Variants in SAMM50 observed in about 807,000 individuals in gnomAD.
SAMM50 encodes the protein sorting and assembly machinery component 50 homolog.
SAMM50 carries 47 observed loss-of-function variants against 66.9 expected under a neutral mutation model. That is an observed-to-expected ratio of 0.70 (90% CI 0.56 to 0.90). The LOEUF is 0.90. Ranked by LOEUF, SAMM50 falls within the 40% of genes least tolerant of loss-of-function variation. The probability of loss-of-function intolerance (pLI) is 0.00; values close to 1 mark genes in which losing one functional copy is unlikely to be tolerated. For synonymous variants in SAMM50, 191 were observed against 214.1 expected (o/e 0.89, Z 0.94); for missense variants, 535 against 595.3 (o/e 0.90, Z 1.05).
In SAMM50 at chr22:43,996,369, A is replaced by C. The variant is rs756726611; in HGVS notation, c.1396A>C (p.Ile466Leu). ...ICDGVQFGAGIRFL is the reference protein window; with the variant it reads ...ICDGVQFGAGLRFL ...TGATGGCGTCCAGTTTGGAGCTGGG[A>C]TAAGGTTCCTGTAGCCGACACCCCT... The change falls in exon 15 of 15, where the codon ATA becomes CTA. Residue 466 changes from isoleucine to leucine, a missense_variant. Coordinates refer to ENST00000350028, the MANE Select transcript of SAMM50 (RefSeq NM_015380.5). 1.2e-6 allele frequency: 2 copies of C among 1,614,034 alleles called. No homozygotes were observed. Among genetic ancestry groups the C allele is most frequent in the East Asian group, 4.5e-5 (2 of 44,860 alleles).
intron 11 of SAMM50, 124 bp downstream of exon 11, chr22:43,981,585 G>A: frequency 1.6e-6 from 1 of 643,478 alleles, no homozygotes; most frequent in Non-Finnish European, 2.7e-6. Flanking sequence ...TATTCCTTTA[G>A]TATTTATGTT....
chr22:43,994,669 C>T (rs1482015385), intron 14 of SAMM50, among the ~76,000 whole-genome samples: 2 of 152,072 alleles, frequency 1.3e-5, no homozygotes, highest in East Asian at 3.9e-4. Context: ...AAGACAGCGG[C>T]CGTGAGGGAG....
At chr22:43,982,334 G>T (rs866649100) in intron 11 of SAMM50, among the ~76,000 whole-genome samples, 1 of 152,234 alleles carries the variant, frequency 6.6e-6, no homozygotes. Flanking sequence ...ACTGCCTTAT[G>T]TAAGTTCCGC....
In SAMM50 at chr22:43,972,347, G is replaced by C; in HGVS notation, c.429+5G>C. ...GGAAACAATGAAGGCAGTATGGTAT[G>C]CTACAGGCTTTTTACTTTCTTATAT... On this transcript the variant is annotated splice_donor_5th_base_variant and intron_variant, in intron 5 of 14. Coordinates refer to ENST00000350028, the MANE Select transcript of SAMM50 (RefSeq NM_015380.5). 1 of 1,510,626 alleles carries C rather than the reference G, an allele frequency of 6.6e-7. No homozygotes were observed. Among genetic ancestry groups the C allele is most frequent in the South Asian group, 1.2e-5 (1 of 80,312 alleles). 93.6% of individuals were successfully genotyped at this position (1,510,626 alleles called of 1,614,324 possible).
Position 43,973,255 on chromosome 22 carries a change from A to G in SAMM50, c.580A>G (p.Lys194Glu). The G allele has an allele frequency of 1.9e-6, 3 of 1,602,832 alleles. No individual in the cohort carries two copies. Among genetic ancestry groups the G allele is most frequent in the South Asian group, 2.2e-5 (2 of 90,746 alleles). Residue 194 changes from lysine (K) to glutamate (E), a missense_variant, in exon 7 of 15, where the codon AAA (lysine) becomes GAA (glutamate). By Grantham distance (56) the Lys-to-Glu change is moderately conservative. Coordinates refer to ENST00000350028, the MANE Select transcript of SAMM50 (RefSeq NM_015380.5). ...TCCTAGTTTCTCTGTAAACTTATAT[A>G]AAGTTACTGGACAGTTCCCTTGGAG... is the stretch of plus-strand genomic sequence containing the variant. ...FERNFSVNLY[K>E]VTGQFPWSSL... is the part of the protein sequence containing the mutation.
chr22:43,966,524 AT>A (rs1214888010), intron 3 of SAMM50, among the ~76,000 whole-genome samples: 3 of 151,962 alleles, frequency 2.0e-5, no homozygotes, highest in African/African-American at 7.3e-5. Flanking sequence ...CACCCAGCTA[AT>A]TTTTTGTATT....
At chr22:43,981,367 A>C in intron 10 of SAMM50, 24 bp from the exon 11 acceptor site, 1 of 1,597,784 alleles carries the variant, frequency 6.3e-7, no homozygotes. Context: ...GGGAGAAAAC[A>C]ACCATTTGTT....
At chr22:43,978,706 A>G (rs939410922) in intron 10 of SAMM50, among the ~76,000 whole-genome samples, 13 of 151,572 alleles carry the variant, frequency 8.6e-5, no homozygotes, top group Admixed American at 1.3e-4. Context: ...GTGAGGAGAA[A>G]GTGACTGGAT....
intron 11 of SAMM50, among the ~76,000 whole-genome samples, chr22:43,982,342 C>T (rs184009558): frequency 9.2e-5 from 14 of 152,284 alleles, no homozygotes; most frequent in Admixed American, 3.3e-4. Flanking sequence ...ATGTAAGTTC[C>T]GCAGTAGGGA....
chr22:43,968,632 C>A, intron 3 of SAMM50, 99 bp from the exon 4 acceptor site: 1 of 817,610 alleles, frequency 1.2e-6, no homozygotes, highest in South Asian at 1.4e-5. Context: ...TCTGACTTAG[C>A]ACCGAATGGT....
chr22:43,980,106 A>AT (rs2050255333), intron 10 of SAMM50, among the ~76,000 whole-genome samples: 1 of 146,424 alleles, frequency 6.8e-6, no homozygotes, highest in African/African-American at 2.6e-5. Flanking sequence ...CCACCCATCC[A>AT]CCCATCCACC....
At position 43,978,064 on chromosome 22, in the gene SAMM50, G is replaced by A; in HGVS notation, c.936+106G>A. On this transcript the variant is annotated intron_variant, in intron 10 of 14. Coordinates refer to ENST00000350028, the MANE Select transcript of SAMM50 (RefSeq NM_015380.5). ...ATCTAAAGCACAGAGTGGAAGCCTG[G>A]GCGGTAATGCTTAACCTTTGATGTT... The A allele has an allele frequency of 8.2e-6, 6 of 730,832 alleles. No homozygotes were observed. The South Asian group carries it at 1.0e-4, about 13-fold the overall frequency. 45.3% of individuals were successfully genotyped at this position (730,832 alleles called of 1,614,324 possible).
At position 43,977,938 on chromosome 22, in the gene SAMM50, A is replaced by G; in HGVS notation, c.916A>G (p.Lys306Glu). 1.9e-6 allele frequency: 3 copies of G among 1,612,642 alleles called. No homozygotes were observed. In the East Asian group the frequency reaches 6.7e-5, roughly 36 times the overall value. ...AGAAGATTTTGAACTTCAGTTGAAC[A>G]AGCAACTCATATTTGATTCAGTGAG... ...IKEDFELQLNKQLIFDSVFSA... is the reference protein window; with the variant it reads ...IKEDFELQLNEQLIFDSVFSA... The change falls in exon 10 of 15, where the codon AAG (lysine) becomes GAG (glutamate). Residue 306 changes from lysine to glutamate, a missense_variant. Physicochemically the swap from Lys to Glu is moderately conservative, Grantham distance 56. Coordinates refer to ENST00000350028, the MANE Select transcript of SAMM50 (RefSeq NM_015380.5).
At chr22:43,987,090 C>T (rs2056142453) in intron 12 of SAMM50, 4 of 152,142 alleles carry the variant, frequency 2.6e-5, no homozygotes, top group Admixed American at 2.0e-4. Flanking sequence ...CCTTTACCTA[C>T]CTGAGAAGTA....
At chr22:43,973,147 A>C (rs1603419137) in intron 6 of SAMM50, 89 bp from the exon 7 acceptor site, 2 of 1,320,182 alleles carry the variant, frequency 1.5e-6, no homozygotes, top group Non-Finnish European at 2.2e-6. Context: ...GATGAGCCCT[A>C]CGGGCGTAGT....
In SAMM50 at chr22:43,989,092, G is replaced by A; in HGVS notation, c.1076-19G>A. ...CCTTGTCGGACCTTGTTTTTGTTCT[G>A]CACCCCTCCTTTGCTTAGGAGACTA... On this transcript the variant is annotated intron_variant, in intron 12 of 14. Coordinates refer to ENST00000350028, the MANE Select transcript of SAMM50 (RefSeq NM_015380.5). The A allele has an allele frequency of 1.2e-6, 2 of 1,604,152 alleles. No homozygotes were observed. Among genetic ancestry groups the A allele is most frequent in the Non-Finnish European group, 1.7e-6 (2 of 1,176,396 alleles).
At chr22:43,996,310 C>G (rs761938697) in intron 14 of SAMM50, 28 bp from the exon 15 acceptor site, 6 of 1,613,688 alleles carry the variant, frequency 3.7e-6, no homozygotes, top group Admixed American at 1.7e-5. Context: ...GGAGCGGCCG[C>G]CGCATCTGAT....
chr22:43,971,120 A>G (rs2050201454), intron 4 of SAMM50, among the ~76,000 whole-genome samples: 1 of 152,154 alleles, frequency 6.6e-6, no homozygotes. Flanking sequence ...GTGAGCTGAG[A>G]TCATCCGACT....
chr22:43,974,272 GA>G (rs1313318304), intron 7 of SAMM50, among the ~76,000 whole-genome samples: 1 of 152,114 alleles, frequency 6.6e-6, no homozygotes, highest in Non-Finnish European at 1.5e-5. Flanking sequence ...CTCCCTCCAA[GA>G]ACCCAGCAGA....
Sources: allele counts gnomAD v4.1 joint callset (sites outside exome capture counted in the v4.1 genomes callset), GRCh38; gene constraint gnomAD v4.1.1; transcripts MANE v1.5; gene names NCBI Gene and HGNC (gene_info 2026-07-23, HGNC 2026-07-21).